Variants in WWP2 observed in about 807,000 individuals in gnomAD.
The protein encoded by WWP2 is WW domain containing E3 ubiquitin protein ligase 2.
A neutral mutation model predicts 121.0 loss-of-function variants in WWP2; 57 were observed. The ratio of observed to expected loss-of-function variants is 0.47; its 90% CI spans 0.38 to 0.59. The LOEUF (loss-of-function observed/expected upper bound fraction) is 0.59, where lower values mean the gene tolerates loss of function less well. WWP2 is among the 20% of genes least tolerant of loss of function. WWP2 has a pLI of 0.00. For synonymous variants in WWP2, 449 were observed against 441.3 expected, an observed-to-expected ratio of 1.02 and a Z score of -0.22; for missense variants, 962 against 1,158.9, an observed-to-expected ratio of 0.83 and a Z score of 2.47.
intron 4 of WWP2, among the ~76,000 whole-genome samples, chr16:69,817,314 T>C (rs2056512768): frequency 6.6e-6 from 1 of 152,202 alleles, no homozygotes; most frequent in African/African-American, 2.4e-5. Context: ...AGTGGTGCGA[T>C]GTTGGCTCAC....
At chr16:69,868,138 G>T (rs761272774) in intron 6 of WWP2, among the ~76,000 whole-genome samples, 11 of 152,178 alleles carry the variant, frequency 7.2e-5, no homozygotes, top group African/African-American at 2.7e-4. Context: ...CAGATTTAGG[G>T]CAAGGGGAGA....
intron 8 of WWP2, among the ~76,000 whole-genome samples, chr16:69,888,683 C>T (rs896287267): frequency 6.6e-6 from 1 of 151,826 alleles, no homozygotes; most frequent in African/African-American, 2.4e-5. Context: ...CTTAAGTTAA[C>T]ATAAACTACA....
intron 1 of WWP2, among the ~76,000 whole-genome samples, chr16:69,766,209 T>G (rs1201428340): frequency 1.3e-5 from 2 of 152,136 alleles, no homozygotes; most frequent in African/African-American, 4.8e-5. Context: ...GAGTCACCCT[T>G]GACTCGTCTC....
chr16:69,825,527 T>C (rs2056670685), intron 4 of WWP2, among the ~76,000 whole-genome samples: 2 of 152,122 alleles, frequency 1.3e-5, no homozygotes, highest in African/African-American at 4.8e-5. Context: ...TTTACCTTTC[T>C]GTATTTGAAT....
intron 9 of WWP2, among the ~76,000 whole-genome samples, chr16:69,914,280 C>A (rs2058446935): frequency 6.6e-6 from 1 of 151,804 alleles, no homozygotes. Context: ...AACAGCTCAC[C>A]ACACGCCTAG....
At chr16:69,797,896 A>G (rs1016921948) in intron 2 of WWP2, among the ~76,000 whole-genome samples, 8 of 152,098 alleles carry the variant, frequency 5.3e-5, no homozygotes, top group Non-Finnish European at 1.0e-4. Flanking sequence ...CTCAGAAAAA[A>G]AAAAAAAATT....
In WWP2 at chr16:69,940,295, G is replaced by A. The variant is rs962234161; in HGVS notation, c.*355G>A. On this transcript the variant is annotated 3_prime_UTR_variant, in exon 24 of 24. Coordinates refer to ENST00000359154, the MANE Select transcript of WWP2 (RefSeq NM_001270454.2). ...ATCCCCAGGGGCTGCCGCAGAGGCC[G>A]GAGACCTCCTGGACTAGTTCGGCGA... 12 of 246,074 alleles carry A rather than the reference G, an allele frequency of 4.9e-5. No homozygotes were observed. The highest frequency in any genetic ancestry group is 1.4e-3 in the Middle Eastern group (1 of 720). The allele number at this position is 246,074 out of a possible 1,614,324, so 15.2% of individuals were successfully genotyped here.
intron 9 of WWP2, among the ~76,000 whole-genome samples, chr16:69,912,916 TACAAAACAAAAAAAAAAAAAAAAA>T (rs1567427068): frequency 8.6e-3 from 7 of 812 alleles, no homozygotes; most frequent in African/African-American, 0.012. Context: ...AACCAGTCTC[TACAAAACAAAAAAAAAAAAAAAAA>T]AAAAAAAAAA....
At chr16:69,918,003 T>C in intron 10 of WWP2, 120 bp downstream of exon 10, 2 of 1,287,892 alleles carry the variant, frequency 1.6e-6, no homozygotes, top group Non-Finnish European at 1.1e-6. Context: ...GCAACGTCAG[T>C]GCTCTGCCCC....
chr16:69,763,940 G>A (rs2038672705), intron 1 of WWP2, among the ~76,000 whole-genome samples: 1 of 152,156 alleles, frequency 6.6e-6, no homozygotes, highest in Non-Finnish European at 1.5e-5. Flanking sequence ...AAACAGGCTC[G>A]AGAGAAAGGC....
intron 7 of WWP2, among the ~76,000 whole-genome samples, chr16:69,886,813 G>C (rs1746937267): frequency 6.6e-6 from 1 of 152,136 alleles, no homozygotes; most frequent in South Asian, 2.1e-4. Flanking sequence ...TTCAATGATG[G>C]GATGATTCTA....
At chr16:69,920,460 A>G (rs777497120) in intron 10 of WWP2, among the ~76,000 whole-genome samples, 2 of 152,136 alleles carry the variant, frequency 1.3e-5, no homozygotes, top group Non-Finnish European at 2.9e-5. Flanking sequence ...GCTGGGCCCA[A>G]AAGATTTTGC....
At chr16:69,767,658 T>C (rs777050923) in intron 1 of WWP2, among the ~76,000 whole-genome samples, 12 of 152,280 alleles carry the variant, frequency 7.9e-5, no homozygotes, top group Middle Eastern at 3.4e-3. Flanking sequence ...AGGGAAGTTT[T>C]ACAGGGTTGT....
chr16:69,874,671 A>G (rs1413268625), intron 7 of WWP2, among the ~76,000 whole-genome samples: 3 of 152,118 alleles, frequency 2.0e-5, no homozygotes, highest in Non-Finnish European at 2.9e-5. Flanking sequence ...TGAGACTTGT[A>G]TGGGATGATT....
chr16:69,810,796 C>G (rs1374748414), intron 4 of WWP2, among the ~76,000 whole-genome samples: 1 of 148,014 alleles, frequency 6.8e-6, no homozygotes, highest in Non-Finnish European at 1.5e-5. Flanking sequence ...GCTCTGTTGC[C>G]CAGACTGGAG....
intron 8 of WWP2, among the ~76,000 whole-genome samples, chr16:69,904,945 C>T (rs976683870): frequency 2.6e-5 from 4 of 152,240 alleles, no homozygotes; most frequent in Admixed American, 1.3e-4. Flanking sequence ...TAGCAAACTA[C>T]AACCTAACTT....
intron 9 of WWP2, chr16:69,910,421 T>A (rs1317414318): frequency 2.7e-5 from 26 of 961,240 alleles, no homozygotes; most frequent in Non-Finnish European, 3.2e-5. Context: ...GTGGCTTTTT[T>A]TTTTTTAGAC....
chr16:69,806,876 G>T (rs1022154444), intron 4 of WWP2, among the ~76,000 whole-genome samples: 4 of 151,582 alleles, frequency 2.6e-5, no homozygotes, highest in African/African-American at 7.3e-5. Flanking sequence ...ACCATATTTT[G>T]TAATATTAAT....
At chr16:69,778,200 T>TTTTTTTTGAGAAA (rs2055582393) in intron 1 of WWP2, among the ~76,000 whole-genome samples, 1 of 147,060 alleles carries the variant, frequency 6.8e-6, no homozygotes, top group African/African-American at 2.5e-5. Context: ...ATATTTTTTT[T>TTTTTTTTGAGAAA]TTTTTGAGAA....
Sources: allele counts gnomAD v4.1 joint callset (sites outside exome capture counted in the v4.1 genomes callset), GRCh38; gene constraint gnomAD v4.1.1; transcripts MANE v1.5; gene names NCBI Gene and HGNC (gene_info 2026-07-23, HGNC 2026-07-21).